NOX4: variants seen among roughly 807,000 people sequenced by gnomAD.
NOX4 encodes kidney oxidase-1.
NOX4 carries 69 observed loss-of-function variants against 87.6 expected under a neutral mutation model. That is an observed-to-expected ratio of 0.79 (90% confidence interval 0.65 to 0.96). The LOEUF is 0.96. Ranked by LOEUF, NOX4 falls within the 40% of genes least tolerant of loss-of-function variation. The pLI, the probability that NOX4 is intolerant of heterozygous loss-of-function variation, is 0.00. For synonymous variants in NOX4, 275 were observed against 238.2 expected, an observed-to-expected ratio of 1.15 and a Z score of -1.42; for missense variants, 680 against 681.5, an observed-to-expected ratio of 1.00 and a Z score of 0.02.
intron 12 of NOX4, among the ~76,000 whole-genome samples, chr11:89,366,091 G>C (rs1265746434): frequency 1.3e-5 from 2 of 152,068 alleles, no homozygotes; most frequent in Non-Finnish European, 2.9e-5. Flanking sequence ...ATTAACGCTA[G>C]GCTCATTTGG....
At chr11:89,537,662 A>G in the NOX4 span, among the ~76,000 whole-genome samples, 1 of 152,064 alleles carries the variant, frequency 6.6e-6, no homozygotes, top group South Asian at 2.1e-4. Flanking sequence ...AATGTCACTT[A>G]TCTAATGTTT....
At chr11:89,510,781 T>C in the NOX4 span, among the ~76,000 whole-genome samples, 1 of 152,218 alleles carries the variant, frequency 6.6e-6, no homozygotes, top group Middle Eastern at 3.4e-3. Context: ...TGCATATTAC[T>C]TGAGAAATAT....
At chr11:89,499,718 A>T (rs1232537632), upstream of NOX4, among the ~76,000 whole-genome samples, 3 of 152,178 alleles carry the variant, frequency 2.0e-5, no homozygotes, top group Non-Finnish European at 4.4e-5. Context: ...ACACTGTATA[A>T]TACGTTGGTT....
At chr11:89,399,489 G>C (rs1389536486) in intron 11 of NOX4, among the ~76,000 whole-genome samples, 1 of 112,322 alleles carries the variant, frequency 8.9e-6, no homozygotes, top group African/African-American at 3.5e-5. Context: ...TTTGAGACAA[G>C]GTCTCACTCT....
At chr11:89,559,392 A>G in the NOX4 span, among the ~76,000 whole-genome samples, 3 of 152,272 alleles carry the variant, frequency 2.0e-5, no homozygotes, top group Non-Finnish European at 2.9e-5. Flanking sequence ...ATTAACCAGT[A>G]TATCTGGTAA....
chr11:89,443,106 T>G (rs553829551), intron 5 of NOX4, among the ~76,000 whole-genome samples: 1 of 152,274 alleles, frequency 6.6e-6, no homozygotes, highest in South Asian at 2.1e-4. Flanking sequence ...TTTTTACAAA[T>G]TATCAATGCC....
chr11:89,381,629 A>C (rs2135096190), intron 11 of NOX4, among the ~76,000 whole-genome samples: 1 of 152,324 alleles, frequency 6.6e-6, no homozygotes, highest in East Asian at 1.9e-4. Flanking sequence ...GCTTAGCTTA[A>C]GCAAAGCCTG....
chr11:89,397,901 G>T (rs1941593263), intron 11 of NOX4, among the ~76,000 whole-genome samples: 1 of 151,908 alleles, frequency 6.6e-6, no homozygotes, highest in Admixed American at 6.6e-5. Flanking sequence ...AGAGGAGCTG[G>T]TACCATTCCT....
chr11:89,353,366 T>G (rs1937709024), intron 13 of NOX4, among the ~76,000 whole-genome samples: 1 of 152,138 alleles, frequency 6.6e-6, no homozygotes, highest in Non-Finnish European at 1.5e-5. Flanking sequence ...ACAACCACCT[T>G]CCTAATCAGT....
At chr11:89,464,491 C>T (rs535643047) in intron 2 of NOX4, among the ~76,000 whole-genome samples, 154 of 152,228 alleles carry the variant, frequency 1.0e-3, no homozygotes, top group Admixed American at 3.1e-3. Flanking sequence ...ACTACATGAG[C>T]AATATTCTAT....
At chr11:89,588,020 C>T in the NOX4 span, among the ~76,000 whole-genome samples, 2 of 152,130 alleles carry the variant, frequency 1.3e-5, no homozygotes, top group Non-Finnish European at 2.9e-5. Context: ...AATCTATTCT[C>T]TTGTTTTCTA....
Position 89,452,441 on chromosome 11 carries a change from C to T in NOX4, c.154-546G>A, listed in dbSNP as rs1334262202. 4.6e-5 allele frequency among the ~76,000 whole-genome samples: 7 copies of T among 152,222 alleles called. No individual in the cohort carries two copies. In the East Asian group the frequency reaches 9.6e-4, roughly 21 times the overall value. On this transcript the variant is annotated intron_variant, in intron 2 of 17. Transcript: ENST00000263317. ...ACATAGTAAGCACGACTCTTCTAGA[C>T]TTCTTCCCTGATCGGAAACTAGGAG...
At chr11:89,401,454 T>A (rs1941850320) in intron 9 of NOX4, among the ~76,000 whole-genome samples, 1 of 152,122 alleles carries the variant, frequency 6.6e-6, no homozygotes, top group African/African-American at 2.4e-5. Context: ...TAAACACGAC[T>A]AATACACTAT....
intron 5 of NOX4, 165 bp downstream of exon 5, chr11:89,443,970 T>C: frequency 1.7e-6 from 1 of 589,002 alleles, no homozygotes; most frequent in Non-Finnish European, 3.0e-6. Context: ...GAAATAGTAA[T>C]TACTTATATT....
At chr11:89,332,586 A>G (rs912899615) in intron 17 of NOX4, among the ~76,000 whole-genome samples, 1 of 151,946 alleles carries the variant, frequency 6.6e-6, no homozygotes, top group Admixed American at 6.6e-5. Flanking sequence ...TGTTACAGTT[A>G]ACATTCTGCT....
At chr11:89,479,172 A>T (rs1946289482) in intron 2 of NOX4, among the ~76,000 whole-genome samples, 1 of 152,152 alleles carries the variant, frequency 6.6e-6, no homozygotes, top group Non-Finnish European at 1.5e-5. Context: ...GCTTCCATAT[A>T]AGGTAGAGTA....
At chr11:89,494,568 A>G (rs1056645891), upstream of NOX4, among the ~76,000 whole-genome samples, 1 of 152,224 alleles carries the variant, frequency 6.6e-6, no homozygotes, top group African/African-American at 2.4e-5. Flanking sequence ...AGGAATTTAC[A>G]CAACGTTTAT....
At chr11:89,467,330 G>A (rs527294244) in intron 2 of NOX4, among the ~76,000 whole-genome samples, 8 of 111,128 alleles carry the variant, frequency 7.2e-5, no homozygotes, top group East Asian at 2.8e-4. Flanking sequence ...CAGCCTGGGC[G>A]ACAGAGCCAA....
intron 14 of NOX4, among the ~76,000 whole-genome samples, chr11:89,341,122 AC>A (rs1393407996): frequency 2.4e-5 from 3 of 125,720 alleles, no homozygotes; most frequent in South Asian, 5.1e-4. Flanking sequence ...AGACAATTTC[AC>A]CTTTTTTTTT....
Sources: allele counts gnomAD v4.1 joint callset (sites outside exome capture counted in the v4.1 genomes callset), GRCh38; gene constraint gnomAD v4.1.1; transcripts MANE v1.5; gene names NCBI Gene and HGNC (gene_info 2026-07-23, HGNC 2026-07-21).